The following MACROH2A2 variants were observed in gnomAD, a reference collection of about 807,000 sequenced individuals.
MACROH2A2 encodes macroH2A.2 histone, also known as core histone macro-H2A.2.
MACROH2A2 carries 6 observed loss-of-function variants against 37.6 expected under a neutral mutation model. The observed-to-expected ratio is 0.16, with a 90% CI of 0.09 to 0.32. MACROH2A2 has a LOEUF of 0.32. Among genes scored for constraint, MACROH2A2 ranks in the 10% least tolerant of loss-of-function variants. The probability of loss-of-function intolerance (pLI) is 1.00; values close to 1 mark genes in which losing one functional copy is unlikely to be tolerated. For missense variants in MACROH2A2, 290 were observed against 485.9 expected, an observed-to-expected ratio of 0.60 and a Z score of 3.79; for synonymous variants, 192 against 202.7, an observed-to-expected ratio of 0.95 and a Z score of 0.45.
intron 5 of MACROH2A2, among the ~76,000 whole-genome samples, chr10:70,094,593 C>T (rs576559156): frequency 7.2e-4 from 110 of 152,294 alleles, no homozygotes; most frequent in Middle Eastern, 3.4e-3. Context: ...AGAAGAGCAT[C>T]GGTGTGGCTG....
intron 7 of MACROH2A2, among the ~76,000 whole-genome samples, chr10:70,101,151 G>A (rs370275388): frequency 5.3e-5 from 8 of 152,262 alleles, no homozygotes; most frequent in East Asian, 3.9e-4. Context: ...AATGTGTGGC[G>A]GTTGTGAAGG....
intron 7 of MACROH2A2, among the ~76,000 whole-genome samples, chr10:70,101,832 T>G (rs2072308937): frequency 1.3e-5 from 2 of 152,260 alleles, no homozygotes; most frequent in African/African-American, 4.8e-5. Context: ...CAGTACTTAT[T>G]CCTTTTCATG....
intron 1 of MACROH2A2, among the ~76,000 whole-genome samples, chr10:70,054,784 C>T (rs973750316): frequency 2.6e-5 from 4 of 152,142 alleles, no homozygotes; most frequent in African/African-American, 4.8e-5. Flanking sequence ...AGGCACTGCC[C>T]GGCGGAAAAG....
chr10:70,108,092 C>A (rs1026048962), intron 7 of MACROH2A2, among the ~76,000 whole-genome samples: 1 of 152,204 alleles, frequency 6.6e-6, no homozygotes, highest in African/African-American at 2.4e-5. Flanking sequence ...CCTGTAATCC[C>A]AGCTACTCGA....
intron 1 of MACROH2A2, among the ~76,000 whole-genome samples, chr10:70,064,472 T>C (rs2136617992): frequency 6.6e-6 from 1 of 152,354 alleles, no homozygotes; most frequent in Middle Eastern, 3.4e-3. Context: ...GGGTTCTCAG[T>C]TCCTAACTGG....
chr10:70,075,528 C>A lies in MACROH2A2; in HGVS notation c.-59-72C>A. The A allele has an allele frequency of 1.2e-6, 1 of 852,372 alleles. No individual in the cohort carries two copies. Among genetic ancestry groups the A allele is most frequent in the South Asian group, 1.6e-5 (1 of 61,426 alleles). 52.8% of individuals were successfully genotyped at this position (852,372 alleles called of 1,614,324 possible). A position where few individuals can be genotyped will look rare whatever the true frequency, so the allele number is the denominator to read the frequency against. On this transcript the variant is annotated intron_variant, in intron 1 of 8. Transcript: ENST00000373255. This position sits in a 1 kb window ranked among gnomAD's most constrained non-coding sequence, Gnocchi z 5.0. ...CAGTCAGAGGTGTCACAGTGGTGCC[C>A]AAGGGCCATGCCACTGTGCCCAAGA... is the stretch of plus-strand genomic sequence containing the variant.
At chr10:70,088,856 C>G (rs979858493) in intron 2 of MACROH2A2, among the ~76,000 whole-genome samples, 1 of 152,234 alleles carries the variant, frequency 6.6e-6, no homozygotes, top group Non-Finnish European at 1.5e-5. Context: ...GTAATCCCAG[C>G]ACTTTGGGAG....
Position 70,075,151 on chromosome 10 carries a change from C to T in MACROH2A2, c.-59-449C>T, listed in dbSNP as rs138908959. Among the ~76,000 whole-genome samples, 73 of 152,262 alleles carry T rather than the reference C, an allele frequency of 4.8e-4. No homozygotes were observed. Among genetic ancestry groups the T allele is most frequent in the Non-Finnish European group, 8.4e-4 (57 of 68,024 alleles). ...ACTGCCCACTCTGACCCCCTGCCTC[C>T]GTCTTCTAAGGCAATTATGTTAGCC... On this transcript the variant is annotated intron_variant, in intron 1 of 8. Transcript: ENST00000373255. This position sits in a 1 kb window ranked among gnomAD's most constrained non-coding sequence, Gnocchi z 5.0.
At chr10:70,056,899 G>T (rs540105435) in intron 1 of MACROH2A2, among the ~76,000 whole-genome samples, 1 of 152,100 alleles carries the variant, frequency 6.6e-6, no homozygotes, top group East Asian at 1.9e-4. Flanking sequence ...AGAGAAAAAC[G>T]AGCCAGTAGA....
Position 70,093,923 on chromosome 10 carries a change from C to T in MACROH2A2, c.588+78C>T, listed in dbSNP as rs533551376. 1.1e-5 allele frequency: 8 copies of T among 711,078 alleles called. No individual in the cohort carries two copies. The African/African-American group carries it at 1.2e-4, about 11-fold the overall frequency. The allele number at this position is 711,078 out of a possible 1,614,324, so 44.0% of individuals were successfully genotyped here. A position where few individuals can be genotyped will look rare whatever the true frequency, so the allele number is the denominator to read the frequency against. ...ACCTACTGTTTACAAGCAATGATGCCTCCTTTCCTCCCCTGATAATGATTT... is the reference window on the plus strand; with the variant it reads ...ACCTACTGTTTACAAGCAATGATGCTTCCTTTCCTCCCCTGATAATGATTT... On this transcript the variant is annotated intron_variant, in intron 5 of 8. Transcript: ENST00000373255.
rs552098540 is a variant in MACROH2A2, at chr10:70,088,888, G to C, written c.173-1172G>C. Among the ~76,000 whole-genome samples, 5 of 152,334 alleles carry C rather than the reference G, an allele frequency of 3.3e-5. No homozygotes were observed. In the South Asian group the frequency reaches 1.0e-3, roughly 32 times the overall value. ...GGAGGCCCAGGCGGGTGGATCACCT[G>C]AGGTCAGGAGTTCGAGTCCAGCCTG... On this transcript the variant is annotated intron_variant, in intron 2 of 8. Coordinates refer to ENST00000373255, the MANE Select transcript of MACROH2A2 (RefSeq NM_018649.3).
intron 5 of MACROH2A2, among the ~76,000 whole-genome samples, chr10:70,094,822 G>T (rs1011989910): frequency 6.6e-6 from 1 of 152,172 alleles, no homozygotes; most frequent in Non-Finnish European, 1.5e-5. Context: ...CAAGACTGTG[G>T]TCTCCAAAGG....
chr10:70,083,978 T>G (rs192865919), intron 2 of MACROH2A2, among the ~76,000 whole-genome samples: 381 of 151,020 alleles, frequency 2.5e-3, no homozygotes, highest in African/African-American at 8.7e-3. Context: ...ATATTGATAG[T>G]AGATATTGAG....
intron 1 of MACROH2A2, among the ~76,000 whole-genome samples, chr10:70,054,014 C>A (rs901359432): frequency 6.6e-6 from 1 of 152,288 alleles, no homozygotes; most frequent in Non-Finnish European, 1.5e-5. Flanking sequence ...GGCCAGCCCC[C>A]CGGATCGCCC....
chr10:70,099,572 G>C (rs2072294903), intron 6 of MACROH2A2: 1 of 152,290 alleles, frequency 6.6e-6, no homozygotes, highest in Non-Finnish European at 1.5e-5. Flanking sequence ...CAGGGTTCCT[G>C]TGGGGTCAGA....
intron 3 of MACROH2A2, among the ~76,000 whole-genome samples, chr10:70,090,816 A>G (rs541043719): frequency 6.6e-6 from 1 of 152,382 alleles, no homozygotes; most frequent in East Asian, 1.9e-4. Context: ...CAGATATACA[A>G]TAACTGTCAG....
intron 1 of MACROH2A2, among the ~76,000 whole-genome samples, chr10:70,056,346 C>G (rs901123989): frequency 2.0e-5 from 3 of 152,198 alleles, no homozygotes; most frequent in Non-Finnish European, 4.4e-5. Context: ...CTCCTAGGCT[C>G]AAGTGATCCT....
intron 7 of MACROH2A2, among the ~76,000 whole-genome samples, chr10:70,105,791 C>T (rs1434749893): frequency 2.6e-5 from 4 of 151,954 alleles, no homozygotes; most frequent in Non-Finnish European, 4.4e-5. Context: ...TGAGACAAGG[C>T]AGAGGAAACT....
At chr10:70,062,742 C>T (rs184834440) in intron 1 of MACROH2A2, among the ~76,000 whole-genome samples, 6 of 152,210 alleles carry the variant, frequency 3.9e-5, no homozygotes, top group South Asian at 4.2e-4. Context: ...TTCAAAGCCT[C>T]GTTGTAGAAG....
Sources: allele counts gnomAD v4.1 joint callset (sites outside exome capture counted in the v4.1 genomes callset), GRCh38; gene constraint gnomAD v4.1.1; non-coding constraint Gnocchi (gnomAD v3.1); transcripts MANE v1.5; gene names NCBI Gene and HGNC (gene_info 2026-07-23, HGNC 2026-07-21).